DOCK3: variants seen among roughly 807,000 people sequenced by gnomAD.
The protein encoded by DOCK3 is dedicator of cytokinesis protein 3.
In DOCK3, 60 loss-of-function variants were observed where a neutral mutation model predicts 265.6. That is an observed-to-expected ratio of 0.23 (90% CI 0.18 to 0.28). The LOEUF is 0.28. Among genes scored for constraint, DOCK3 ranks in the 10% least tolerant of loss-of-function variants. The pLI is 1.00. For synonymous variants in DOCK3, 881 were observed against 938.0 expected (o/e 0.94, Z 1.11); for missense variants, 1,981 against 2,594.3 (o/e 0.76, Z 5.14).
At chr3:50,691,527 G>A (rs2035241846) in intron 1 of DOCK3, among the ~76,000 whole-genome samples, 1 of 152,158 alleles carries the variant, frequency 6.6e-6, no homozygotes. Flanking sequence ...AGTGAACACT[G>A]GCATGCTAGT....
intron 23 of DOCK3, among the ~76,000 whole-genome samples, chr3:51,264,829 A>AAGATAAATAAAT: frequency 7.0e-6 from 1 of 142,254 alleles, no homozygotes; most frequent in African/African-American, 2.6e-5. Context: ...TCAGTCTCAA[A>AAGATAAATAAAT]AAATAAATAA....
chr3:50,908,115 T>C (rs2049634377), intron 4 of DOCK3, among the ~76,000 whole-genome samples: 2 of 151,884 alleles, frequency 1.3e-5, no homozygotes, highest in Non-Finnish European at 2.9e-5. Context: ...ATTTTTATTA[T>C]GTGTGTAGCT....
chr3:50,823,221 G>T (rs1222917554), intron 2 of DOCK3, among the ~76,000 whole-genome samples: 1 of 151,656 alleles, frequency 6.6e-6, no homozygotes, highest in Non-Finnish European at 1.5e-5. Context: ...GATTTGGCAG[G>T]GTCACAGGAC....
intron 12 of DOCK3, 93 bp from the exon 13 acceptor site, chr3:51,208,681 C>G (rs1213521789): frequency 1.0e-6 from 1 of 964,992 alleles, no homozygotes; most frequent in Admixed American, 2.4e-5. Flanking sequence ...AGTGAGGGAT[C>G]CTTTTCCCTT....
chr3:50,716,475 C>T (rs768052682), intron 1 of DOCK3, among the ~76,000 whole-genome samples: 6 of 151,834 alleles, frequency 4.0e-5, no homozygotes, highest in East Asian at 3.9e-4. Context: ...TTGCAGTGAG[C>T]GGAGATCACG....
chr3:51,010,137 C>A (rs140452910), intron 5 of DOCK3, among the ~76,000 whole-genome samples: 1 of 152,278 alleles, frequency 6.6e-6, no homozygotes, highest in East Asian at 1.9e-4. Context: ...ATTTGGTCCA[C>A]TTGGTGCAGA....
At chr3:50,782,576 A>AGTGTGT (rs145578993) in intron 2 of DOCK3, among the ~76,000 whole-genome samples, 158 of 147,318 alleles carry the variant, frequency 1.1e-3, no homozygotes, top group African/African-American at 3.4e-3. Context: ...TTATTTTTTG[A>AGTGTGT]GTGTGTGTGT....
At position 51,230,741 on chromosome 3, in the gene DOCK3, C is replaced by T. The variant is rs187068190; in HGVS notation, c.1917+1132C>T. Among the ~76,000 whole-genome samples the T allele has an allele frequency of 6.1e-4, 93 of 152,052 alleles. 1 individual carries two copies. The highest frequency in any genetic ancestry group is 1.6e-3 in the African/African-American group (67 of 41,502). Reference sequence around the variant, plus strand: ...CATGTTGGCCAGGATGGTCTCGATCCCTTGACCTCGTGATCCATCCGCCTT... The same window carrying T: ...CATGTTGGCCAGGATGGTCTCGATCTCTTGACCTCGTGATCCATCCGCCTT... On this transcript the variant is annotated intron_variant, in intron 19 of 52. Transcript: ENST00000266037.
At chr3:50,900,886 G>C in intron 4 of DOCK3, 1 of 429,114 alleles carries the variant, frequency 2.3e-6, no homozygotes, top group Non-Finnish European at 4.6e-6. Flanking sequence ...GCCAGCCAGA[G>C]CTCTCCTGTA....
chr3:50,939,975 G>C lies in DOCK3; in HGVS notation c.315+5898G>C, dbSNP rs533385034. 3.0e-4 allele frequency among the ~76,000 whole-genome samples: 46 copies of C among 152,032 alleles called. 1 individual carries two copies. Among genetic ancestry groups the C allele is most frequent in the Non-Finnish European group, 5.7e-4 (39 of 67,996 alleles). ...GAGATCTCAAGGAATCAACAAACAA[G>C]AAGACACTAGAGTTTGAAAAGAAAC... On this transcript the variant is annotated intron_variant, in intron 5 of 52. Transcript: ENST00000266037.
At chr3:50,991,119 T>A (rs2078088087) in intron 5 of DOCK3, among the ~76,000 whole-genome samples, 1 of 152,092 alleles carries the variant, frequency 6.6e-6, no homozygotes, top group Non-Finnish European at 1.5e-5. Flanking sequence ...GCACTAAATG[T>A]AGAAAGGAAA....
intron 49 of DOCK3, among the ~76,000 whole-genome samples, chr3:51,364,678 A>C (rs1356814589): frequency 1.3e-5 from 2 of 152,164 alleles, no homozygotes; most frequent in Non-Finnish European, 2.9e-5. Context: ...TAAGGAAGGG[A>C]TCCAGTTTCA....
chr3:50,920,454 C>G (rs995561083), intron 4 of DOCK3, among the ~76,000 whole-genome samples: 4 of 151,998 alleles, frequency 2.6e-5, no homozygotes, highest in Non-Finnish European at 5.9e-5. Flanking sequence ...CAGGGATTCA[C>G]CTTCTTCCTG....
chr3:50,925,488 C>T (rs2050707660), intron 4 of DOCK3, among the ~76,000 whole-genome samples: 1 of 151,900 alleles, frequency 6.6e-6, no homozygotes, highest in South Asian at 2.1e-4. Flanking sequence ...GGCCATAGTG[C>T]ACTATGATCA....
rs574728783 is a variant in DOCK3, at chr3:50,951,324, A to G, written c.315+17247A>G. 3.3e-5 allele frequency among the ~76,000 whole-genome samples: 5 copies of G among 152,228 alleles called. No homozygotes were observed. In the South Asian group the frequency reaches 1.0e-3, roughly 32 times the overall value. ...AATTTGGGTTATCCTTTTTGCCTCA[A>G]ACCTTGTCTCCAGCCAGTTCCCAGG... On this transcript the variant is annotated intron_variant, in intron 5 of 52. Transcript: ENST00000266037.
intron 12 of DOCK3, among the ~76,000 whole-genome samples, chr3:51,196,325 T>C (rs1014211663): frequency 2.0e-5 from 3 of 152,182 alleles, no homozygotes; most frequent in Non-Finnish European, 2.9e-5. Context: ...TTGCTGTTTT[T>C]GGGATTTGCT....
At chr3:51,159,767 C>T (rs1246148072) in intron 11 of DOCK3, among the ~76,000 whole-genome samples, 1 of 152,120 alleles carries the variant, frequency 6.6e-6, no homozygotes, top group East Asian at 1.9e-4. Flanking sequence ...AGATGGATGA[C>T]ATTTCACTTC....
At chr3:50,924,866 G>A (rs2050679276) in intron 4 of DOCK3, among the ~76,000 whole-genome samples, 1 of 152,190 alleles carries the variant, frequency 6.6e-6, no homozygotes, top group African/African-American at 2.4e-5. Context: ...CAATTATGCG[G>A]GTGGTGTATG....
chr3:51,126,027 A>G (rs1465395577), intron 9 of DOCK3, among the ~76,000 whole-genome samples: 2 of 152,228 alleles, frequency 1.3e-5, no homozygotes, highest in Admixed American at 6.5e-5. Context: ...GGAAAACACT[A>G]TATCGTGTTA....
Sources: allele counts gnomAD v4.1 joint callset (sites outside exome capture counted in the v4.1 genomes callset), GRCh38; gene constraint gnomAD v4.1.1; transcripts MANE v1.5; gene names NCBI Gene and HGNC (gene_info 2026-07-23, HGNC 2026-07-21).